SSBP2: variants seen among roughly 807,000 people sequenced by gnomAD.
SSBP2 encodes single stranded DNA binding protein 2.
In SSBP2, 17 loss-of-function variants were observed where a neutral mutation model predicts 61.8. The ratio of observed to expected loss-of-function variants is 0.28; its 90% CI spans 0.19 to 0.41. SSBP2 has a LOEUF of 0.41. Ranked by LOEUF, SSBP2 falls within the 10% of genes least tolerant of loss-of-function variation. The pLI, the probability that SSBP2 is intolerant of heterozygous loss-of-function variation, is 1.00. For missense variants in SSBP2, 310 were observed against 458.7 expected (o/e 0.68, Z 2.96); for synonymous variants, 139 against 141.3 (o/e 0.98, Z 0.12).
chr5:81,713,476 T>C (rs376511750), intron 1 of SSBP2, among the ~76,000 whole-genome samples: 9 of 152,196 alleles, frequency 5.9e-5, no homozygotes, highest in Non-Finnish European at 8.8e-5. Context: ...AAAAAGTTTA[T>C]GTGTTTCTGC....
chr5:81,437,351 A>T, intron 15 of SSBP2, 79 bp downstream of exon 15: 2 of 1,394,260 alleles, frequency 1.4e-6, no homozygotes, highest in Non-Finnish European at 2.0e-6. Context: ...AAAATTCGTA[A>T]ATTTACTCTA....
intron 8 of SSBP2, among the ~76,000 whole-genome samples, chr5:81,471,768 C>T (rs1196138411): frequency 3.3e-5 from 5 of 151,734 alleles, no homozygotes; most frequent in Non-Finnish European, 7.4e-5. Flanking sequence ...TTTGAGGCTG[C>T]CACATATATT....
intron 4 of SSBP2, among the ~76,000 whole-genome samples, chr5:81,528,797 G>A (rs1046475316): frequency 1.3e-5 from 2 of 151,964 alleles, no homozygotes; most frequent in Non-Finnish European, 2.9e-5. Context: ...AATAATGAAA[G>A]GAACAATTTA....
At position 81,435,526 on chromosome 5, in the gene SSBP2, T is replaced by C. The variant is rs1452772695; in HGVS notation, c.957+1904A>G. ...AAGAGAATGTTATGAGGAGTGGGCA[T>C]GGTATGGTGGAAAAACTTGTATCCG... is the stretch of plus-strand genomic sequence containing the variant. On this transcript the variant is annotated intron_variant, in intron 15 of 16. Transcript: ENST00000320672. Among the ~76,000 whole-genome samples, 3 of 152,122 alleles carry C rather than the reference T, an allele frequency of 2.0e-5. No homozygotes were observed. The East Asian group carries it at 5.8e-4, about 29-fold the overall frequency.
intron 1 of SSBP2, among the ~76,000 whole-genome samples, chr5:81,652,710 G>A (rs1440920911): frequency 6.6e-6 from 1 of 152,016 alleles, no homozygotes; most frequent in African/African-American, 2.4e-5. Context: ...AACTAATTAA[G>A]TCTACTGCCA....
intron 2 of SSBP2, among the ~76,000 whole-genome samples, chr5:81,645,301 T>C (rs901078464): frequency 2.0e-5 from 3 of 152,290 alleles, no homozygotes; most frequent in African/African-American, 7.2e-5. Context: ...TCTCTTCATA[T>C]AGGTAAAAGG....
intron 14 of SSBP2, among the ~76,000 whole-genome samples, chr5:81,439,430 T>C (rs1762870788): frequency 6.6e-6 from 1 of 152,156 alleles, no homozygotes. Flanking sequence ...CTCACTATTG[T>C]TAAAATTTTC....
intron 1 of SSBP2, among the ~76,000 whole-genome samples, chr5:81,730,404 T>A (rs1221083795): frequency 6.6e-6 from 1 of 152,114 alleles, no homozygotes; most frequent in Non-Finnish European, 1.5e-5. Context: ...TTTATAACTT[T>A]AATAAAGGCA....
At chr5:81,547,547 A>G (rs1771834294) in intron 4 of SSBP2, among the ~76,000 whole-genome samples, 2 of 152,074 alleles carry the variant, frequency 1.3e-5, no homozygotes, top group African/African-American at 4.8e-5. Context: ...GCTCACTGCA[A>G]CCTTCAACTC....
intron 5 of SSBP2, among the ~76,000 whole-genome samples, chr5:81,510,074 C>T (rs1380436599): frequency 6.6e-6 from 1 of 152,154 alleles, no homozygotes; most frequent in Non-Finnish European, 1.5e-5. Flanking sequence ...TGTATATTCT[C>T]TTACCCTCTC....
chr5:81,751,355 C>G (rs543164457), upstream of SSBP2: 102 of 503,844 alleles, frequency 2.0e-4, no homozygotes, highest in East Asian at 3.1e-4. Flanking sequence ...CCCCCTCCCC[C>G]CTCCGAACCC....
chr5:81,683,302 G>C (rs902573834), intron 1 of SSBP2, among the ~76,000 whole-genome samples: 1 of 152,150 alleles, frequency 6.6e-6, no homozygotes, highest in African/African-American at 2.4e-5. Flanking sequence ...CAGTGGAACA[G>C]AATAAAGAGC....
chr5:81,702,844 C>G (rs1195439156), intron 1 of SSBP2, among the ~76,000 whole-genome samples: 2 of 152,188 alleles, frequency 1.3e-5, no homozygotes, highest in African/African-American at 4.8e-5. Context: ...GATCTGTGAC[C>G]TACACTAAGT....
upstream of SSBP2, chr5:81,751,239 G>C: frequency 1.7e-6 from 1 of 604,898 alleles, no homozygotes. Context: ...CGAAGCGCGC[G>C]GTGGCGGCTA....
intron 4 of SSBP2, among the ~76,000 whole-genome samples, chr5:81,549,952 C>G (rs1372083832): frequency 1.3e-5 from 2 of 152,122 alleles, no homozygotes; most frequent in Non-Finnish European, 2.9e-5. Flanking sequence ...CTTTTGTGCC[C>G]TGCTTTTCTA....
rs920484090 is a variant in SSBP2, at chr5:81,419,208, C to G, written c.*1296G>C. On this transcript the variant is annotated 3_prime_UTR_variant, in exon 17 of 17. Coordinates refer to ENST00000320672, the MANE Select transcript of SSBP2 (RefSeq NM_012446.5). ...AGTCAGTTACACAATGTAGTTTTAGCCTGCTGAAGTCAATGGCTAGATAAA... is the reference window on the plus strand; with the variant it reads ...AGTCAGTTACACAATGTAGTTTTAGGCTGCTGAAGTCAATGGCTAGATAAA... 1 of 152,198 alleles carries G rather than the reference C, an allele frequency of 6.6e-6. No individual in the cohort carries two copies. Among genetic ancestry groups the G allele is most frequent in the African/African-American group, 2.4e-5 (1 of 41,460 alleles). 9.4% of individuals were successfully genotyped at this position (152,198 alleles called of 1,614,324 possible).
At chr5:81,636,331 T>C (rs1040258673) in intron 3 of SSBP2, 13 of 411,010 alleles carry the variant, frequency 3.2e-5, no homozygotes, top group African/African-American at 4.1e-5. Context: ...GTACTTACAG[T>C]TGGAGATTCC....
Position 81,414,830 on chromosome 5 carries a change from A to C in SSBP2, c.*5674T>G, listed in dbSNP as rs1180315776. 6.6e-6 allele frequency: 1 copy of C among 152,210 alleles called. No individual in the cohort carries two copies. 9.4% of individuals were successfully genotyped at this position (152,210 alleles called of 1,614,324 possible). On this transcript the variant is annotated 3_prime_UTR_variant, in exon 17 of 17. Transcript: ENST00000320672. ...TTACCACTGAAATGAAAAGTAGTCAAAGGAAATAATTATGTTTAATCATTA... is the reference window on the plus strand; with the variant it reads ...TTACCACTGAAATGAAAAGTAGTCACAGGAAATAATTATGTTTAATCATTA...
intron 4 of SSBP2, among the ~76,000 whole-genome samples, chr5:81,599,184 T>C (rs564638598): frequency 7.9e-5 from 12 of 152,116 alleles, no homozygotes; most frequent in Non-Finnish European, 1.0e-4. Context: ...TGACGAATAC[T>C]CAACCTCTTT....
Sources: gnomAD v4.1 joint callset for allele counts (sites outside exome capture counted in the v4.1 genomes callset) on GRCh38, gnomAD v4.1.1 for gene constraint, MANE v1.5 for transcripts, NCBI Gene and HGNC (gene_info 2026-07-23, HGNC 2026-07-21) for gene names.